Variants in KLHL3 observed in about 807,000 individuals in gnomAD.
KLHL3 encodes kelch-like protein 3.
KLHL3 carries 19 observed loss-of-function variants against 70.5 expected under a neutral mutation model. That is an observed-to-expected ratio of 0.27 (90% CI 0.19 to 0.40). The LOEUF (loss-of-function observed/expected upper bound fraction) is 0.40, where lower values mean the gene tolerates loss of function less well. KLHL3 is among the 10% of genes least tolerant of loss of function. The probability of loss-of-function intolerance (pLI) is 1.00; values close to 1 mark genes in which losing one functional copy is unlikely to be tolerated. For missense variants in KLHL3, 512 were observed against 771.1 expected, an observed-to-expected ratio of 0.66 and a Z score of 3.98; for synonymous variants, 258 against 290.3, an observed-to-expected ratio of 0.89 and a Z score of 1.13.
At chr5:137,631,335 A>T (rs1750632047) in intron 12 of KLHL3, among the ~76,000 whole-genome samples, 1 of 152,218 alleles carries the variant, frequency 6.6e-6, no homozygotes. Flanking sequence ...GAAAAATCCC[A>T]AAGGATCATA....
chr5:137,646,824 G>T (rs1183559217), intron 8 of KLHL3, among the ~76,000 whole-genome samples: 4 of 152,104 alleles, frequency 2.6e-5, no homozygotes, highest in African/African-American at 9.7e-5. Context: ...ATCTTTCAAG[G>T]TAACCCTGAG....
At chr5:137,731,851 T>C (rs1256711016) in intron 1 of KLHL3, among the ~76,000 whole-genome samples, 1 of 152,220 alleles carries the variant, frequency 6.6e-6, no homozygotes, top group Non-Finnish European at 1.5e-5. Flanking sequence ...TTTTTTATTG[T>C]GGTAAAATAG....
At chr5:137,717,704 C>A (rs957097935) in intron 2 of KLHL3, among the ~76,000 whole-genome samples, 1 of 152,096 alleles carries the variant, frequency 6.6e-6, no homozygotes, top group Non-Finnish European at 1.5e-5. Context: ...TTATAGATGA[C>A]TTGTTGCTCA....
chr5:137,725,077 A>G, intron 1 of KLHL3: 1 of 984,882 alleles, frequency 1.0e-6, no homozygotes, highest in Non-Finnish European at 1.2e-6. Flanking sequence ...GATCTTAACT[A>G]CTTAAACCTC....
intron 2 of KLHL3, among the ~76,000 whole-genome samples, chr5:137,710,655 G>A (rs1313874096): frequency 6.6e-6 from 1 of 152,120 alleles, no homozygotes; most frequent in Non-Finnish European, 1.5e-5. Flanking sequence ...GATTGATAGG[G>A]TGCCACAAGC....
At chr5:137,678,742 C>T (rs112884794) in intron 5 of KLHL3, among the ~76,000 whole-genome samples, 1,710 of 152,140 alleles carry the variant, frequency 0.011, 32 homozygotes, top group African/African-American at 0.039. Flanking sequence ...CAAATTTCTA[C>T]CTTCATCCAG....
chr5:137,700,484 G>A (rs552299071), intron 3 of KLHL3, among the ~76,000 whole-genome samples: 1 of 152,192 alleles, frequency 6.6e-6, no homozygotes. Flanking sequence ...TCAGGTTAGG[G>A]TTTTGTAACT....
intron 1 of KLHL3, among the ~76,000 whole-genome samples, chr5:137,728,512 C>G (rs1753120794): frequency 6.6e-6 from 1 of 152,092 alleles, no homozygotes; most frequent in East Asian, 1.9e-4. Context: ...GCAGCCCAGT[C>G]CCCTGCATTG....
chr5:137,631,089 AAGAG>A lies in KLHL3; in HGVS notation c.1451-2656_1451-2653del, dbSNP rs1183672299. On this transcript the variant is annotated intron_variant, in intron 12 of 14. Transcript: ENST00000309755. Reference sequence around the variant, plus strand: ...AAATACAAAAAAAAAAAAAAAAAAAAAGAGAGAGAGAGAGAGAAAGGAATAACAT... The same window carrying A: ...AAATACAAAAAAAAAAAAAAAAAAAAAGAGAGAGAGAGAAAGGAATAACAT... 2.7e-3 allele frequency among the ~76,000 whole-genome samples: 387 copies of A among 141,960 alleles called. 1 individual carries two copies. Among genetic ancestry groups the A allele is most frequent in the Non-Finnish European group, 4.7e-3 (314 of 66,772 alleles). The allele number at this position is 141,960 out of a possible 152,430, so 93.1% of individuals were successfully genotyped here. A position where few individuals can be genotyped will look rare whatever the true frequency, so the allele number is the denominator to read the frequency against.
At chr5:137,719,734 C>T (rs941638792) in intron 2 of KLHL3, among the ~76,000 whole-genome samples, 3 of 152,246 alleles carry the variant, frequency 2.0e-5, no homozygotes, top group South Asian at 2.1e-4. Flanking sequence ...GGCTGTCTTG[C>T]CAACCTAAGT....
chr5:137,675,749 A>G (rs2149906352), intron 6 of KLHL3, among the ~76,000 whole-genome samples: 1 of 152,318 alleles, frequency 6.6e-6, no homozygotes, highest in Middle Eastern at 3.4e-3. Context: ...ACTTTCTATG[A>G]TCTCAAGAGC....
chr5:137,640,431 G>GA (rs1561586941), intron 8 of KLHL3, among the ~76,000 whole-genome samples: 1 of 152,162 alleles, frequency 6.6e-6, no homozygotes, highest in East Asian at 1.9e-4. Context: ...CTGCAGTATA[G>GA]AAAAAAATTG....
At chr5:137,702,866 G>A (rs1391782645) in intron 3 of KLHL3, among the ~76,000 whole-genome samples, 1 of 152,112 alleles carries the variant, frequency 6.6e-6, no homozygotes, top group Non-Finnish European at 1.5e-5. Flanking sequence ...AAGCCTATTA[G>A]GTAAAAGCAT....
intron 2 of KLHL3, among the ~76,000 whole-genome samples, chr5:137,716,027 C>T (rs1752885548): frequency 6.6e-6 from 1 of 152,136 alleles, no homozygotes; most frequent in Non-Finnish European, 1.5e-5. Flanking sequence ...TGTTATATGG[C>T]TACAAAGATA....
intron 6 of KLHL3, among the ~76,000 whole-genome samples, chr5:137,671,044 G>T (rs1751746738): frequency 2.0e-5 from 3 of 151,732 alleles, no homozygotes; most frequent in African/African-American, 7.3e-5. Flanking sequence ...GTCTTTATGG[G>T]ATACAGTTAA....
At chr5:137,705,660 A>G (rs976964564) in intron 3 of KLHL3, among the ~76,000 whole-genome samples, 6 of 152,184 alleles carry the variant, frequency 3.9e-5, no homozygotes, top group Non-Finnish European at 8.8e-5. Context: ...TGGGCATAAG[A>G]CCCTGAGCCC....
intron 5 of KLHL3, among the ~76,000 whole-genome samples, chr5:137,682,585 C>G (rs1283714000): frequency 6.6e-6 from 1 of 152,138 alleles, no homozygotes; most frequent in Non-Finnish European, 1.5e-5. Flanking sequence ...TTTCCCTAAT[C>G]CCCCCATCCA....
intron 3 of KLHL3, chr5:137,706,214 A>G (rs528390401): frequency 2.4e-5 from 24 of 985,298 alleles, no homozygotes; most frequent in Admixed American, 6.1e-5. Flanking sequence ...AACTCAAGTC[A>G]GAAGAAAGCC....
chr5:137,706,628 A>T (rs1480159885), intron 3 of KLHL3, among the ~76,000 whole-genome samples: 1 of 152,260 alleles, frequency 6.6e-6, no homozygotes, highest in Non-Finnish European at 1.5e-5. Context: ...ATCATTATTT[A>T]TAATAACAAA....
Sources: gnomAD v4.1 joint callset for allele counts (sites outside exome capture counted in the v4.1 genomes callset) on GRCh38, gnomAD v4.1.1 for gene constraint, MANE v1.5 for transcripts, NCBI Gene and HGNC (gene_info 2026-07-23, HGNC 2026-07-21) for gene names.